Variants in HSPBAP1 observed in about 807,000 individuals in gnomAD.
HSPBAP1 encodes HSPB1-associated protein 1.
In HSPBAP1, 27 loss-of-function variants were observed where a neutral mutation model predicts 45.2. The observed-to-expected ratio is 0.60, with a 90% CI of 0.44 to 0.82. The LOEUF (loss-of-function observed/expected upper bound fraction) is 0.82. Ranked by LOEUF, HSPBAP1 falls within the 40% of genes least tolerant of loss-of-function variation. HSPBAP1 has a pLI of 0.00. For synonymous variants in HSPBAP1, 204 were observed against 202.7 expected (o/e 1.01, Z -0.06); for missense variants, 510 against 590.9 (o/e 0.86, Z 1.42).
chr3:122,770,682 C>T (rs1290523672), intron 2 of HSPBAP1, among the ~76,000 whole-genome samples: 1 of 152,074 alleles, frequency 6.6e-6, no homozygotes, highest in African/African-American at 2.4e-5. Flanking sequence ...GCCTGGGTGA[C>T]ACAGTGAGAT....
intron 1 of HSPBAP1, among the ~76,000 whole-genome samples, chr3:122,779,034 C>CTTT (rs201429620): frequency 2.0e-4 from 30 of 147,842 alleles, no homozygotes; most frequent in African/African-American, 4.5e-4. Flanking sequence ...CATTTTCTTT[C>CTTT]TTTTTCTTTT....
At chr3:122,758,552 G>T (rs1469147024) in intron 4 of HSPBAP1, among the ~76,000 whole-genome samples, 3 of 152,126 alleles carry the variant, frequency 2.0e-5, no homozygotes, top group Non-Finnish European at 4.4e-5. Flanking sequence ...TATTTATTTA[G>T]ATTTGAAGAA....
chr3:122,788,563 C>T (rs1413745727), intron 1 of HSPBAP1, among the ~76,000 whole-genome samples: 3 of 152,122 alleles, frequency 2.0e-5, no homozygotes, highest in Admixed American at 2.0e-4. Context: ...GGTCTGTTGA[C>T]GAATGGATAA....
chr3:122,777,777 T>C lies in HSPBAP1; in HGVS notation c.194A>G (p.Gln65Arg), dbSNP rs1423507849. Residue 65 changes from glutamine (Q) to arginine (R), a missense_variant, in exon 2 of 8, where the codon CAG (glutamine) becomes CGG (arginine). Gln to Arg is a conservative substitution (Grantham distance 43). Transcript: ENST00000306103. ...TCGTATCTGCTTGCCATGAAGGACC[T>C]GCGAAAGGTATTTAGCATTCCAGTG... ...ARHWNAKYLS[Q>R]VLHGKQIRFR... is the part of the protein sequence containing the mutation. 1 of 1,613,994 alleles carries C rather than the reference T, an allele frequency of 6.2e-7. No individual in the cohort carries two copies. Among genetic ancestry groups the C allele is most frequent in the South Asian group, 1.1e-5 (1 of 91,062 alleles).
intron 2 of HSPBAP1, among the ~76,000 whole-genome samples, chr3:122,774,717 T>C (rs1197425885): frequency 2.6e-5 from 4 of 152,120 alleles, no homozygotes; most frequent in Admixed American, 2.0e-4. Flanking sequence ...GCGAGCAGGG[T>C]AACGCCCACT....
chr3:122,748,656 C>T (rs1934015943), intron 6 of HSPBAP1, among the ~76,000 whole-genome samples: 1 of 152,176 alleles, frequency 6.6e-6, no homozygotes, highest in African/African-American at 2.4e-5. Flanking sequence ...CAAAATGGCA[C>T]AATCACAATG....
At chr3:122,775,956 T>C (rs1197094463) in intron 2 of HSPBAP1, among the ~76,000 whole-genome samples, 1 of 152,248 alleles carries the variant, frequency 6.6e-6, no homozygotes, top group Admixed American at 6.5e-5. Flanking sequence ...AGTACTGATA[T>C]GTATTACAAC....
chr3:122,759,867 TACTA>T (rs1487464347), intron 3 of HSPBAP1, among the ~76,000 whole-genome samples: 1 of 152,204 alleles, frequency 6.6e-6, no homozygotes, highest in South Asian at 2.1e-4. Context: ...ATACGCAACT[TACTA>T]ACTTTGTGTA....
intron 4 of HSPBAP1, chr3:122,758,764 G>T (rs968019717): frequency 2.2e-6 from 1 of 454,860 alleles, no homozygotes; most frequent in Non-Finnish European, 4.4e-6. Flanking sequence ...GGGCATACTG[G>T]CACACACCTG....
intron 4 of HSPBAP1, among the ~76,000 whole-genome samples, chr3:122,756,663 A>G (rs574886000): frequency 2.3e-4 from 35 of 150,728 alleles, no homozygotes; most frequent in African/African-American, 8.5e-4. Context: ...GTGCCACTGC[A>G]CTCCAGCCTG....
intron 6 of HSPBAP1, among the ~76,000 whole-genome samples, chr3:122,750,354 A>G (rs1366431497): frequency 3.9e-5 from 6 of 152,198 alleles, no homozygotes; most frequent in African/African-American, 1.4e-4. Flanking sequence ...AAATTCTATC[A>G]TGTTAAACTT....
chr3:122,740,438 T>C lies in HSPBAP1; in HGVS notation c.1374A>G (p.Thr458=). The C allele has an allele frequency of 6.2e-7, 1 of 1,609,346 alleles. No homozygotes were observed. The highest frequency in any genetic ancestry group is 1.4e-5 in the African/African-American group (1 of 73,210). The change falls in exon 8 of 8, where the codon ACA becomes ACG. Residue 458 remains threonine (T), a synonymous_variant. Coordinates refer to ENST00000306103, the MANE Select transcript of HSPBAP1 (RefSeq NM_024610.6). Reference sequence around the variant, plus strand: ...CCAGCAAGTCATCCGTAGAAATGAATGTTTGAGGAGTCGTAGTAGTATTTG... The same window carrying C: ...CCAGCAAGTCATCCGTAGAAATGAACGTTTGAGGAGTCGTAGTAGTATTTG... ...IASNTTTTPQ[T]FISTDDLLDC...
intron 1 of HSPBAP1, among the ~76,000 whole-genome samples, chr3:122,780,804 GGTT>G (rs1935428198): frequency 1.4e-5 from 2 of 146,166 alleles, no homozygotes; most frequent in African/African-American, 4.9e-5. Context: ...CAGACGGGGC[GGTT>G]GCCAGGCAGA....
At chr3:122,781,013 C>T (rs1183586392) in intron 1 of HSPBAP1, among the ~76,000 whole-genome samples, 2 of 148,734 alleles carry the variant, frequency 1.3e-5, no homozygotes, top group Non-Finnish European at 3.0e-5. Flanking sequence ...CGGGAAGAGG[C>T]GCTCCTCACT....
At chr3:122,755,163 C>G in intron 5 of HSPBAP1, 97 bp downstream of exon 5, 1 of 1,236,874 alleles carries the variant, frequency 8.1e-7, no homozygotes, top group Middle Eastern at 2.4e-4. Flanking sequence ...TTCTCATTTG[C>G]ACTGCGCAGG....
intron 6 of HSPBAP1, among the ~76,000 whole-genome samples, chr3:122,750,794 C>T (rs560201247): frequency 1.4e-4 from 22 of 152,266 alleles, no homozygotes; most frequent in South Asian, 8.3e-4. Flanking sequence ...GTCTAATTAA[C>T]GGGGACATAT....
chr3:122,759,056 A>C lies in HSPBAP1; in HGVS notation c.569+168T>G, dbSNP rs895313688. On this transcript the variant is annotated intron_variant, in intron 4 of 7. Transcript: ENST00000306103. ...AACTGTCCTCATTTCACAGAGGAGA[A>C]ACCAAAACCAGAGGTTAAGAGGTCT... 4.6e-5 allele frequency among the ~76,000 whole-genome samples: 7 copies of C among 152,162 alleles called. No homozygotes were observed. The South Asian group carries it at 1.5e-3, about 32-fold the overall frequency.
chr3:122,774,248 T>G (rs553439614), intron 2 of HSPBAP1, among the ~76,000 whole-genome samples: 1 of 152,208 alleles, frequency 6.6e-6, no homozygotes, highest in South Asian at 2.1e-4. Flanking sequence ...TCTGAGGTAA[T>G]TGAATAGTCA....
At chr3:122,785,429 C>A (rs1420871591) in intron 1 of HSPBAP1, among the ~76,000 whole-genome samples, 1 of 152,188 alleles carries the variant, frequency 6.6e-6, no homozygotes, top group Non-Finnish European at 1.5e-5. Context: ...AGGTTCTTCA[C>A]CCCCAGCCAA....
Sources: gnomAD v4.1 joint callset for allele counts (sites outside exome capture counted in the v4.1 genomes callset) on GRCh38, gnomAD v4.1.1 for gene constraint, MANE v1.5 for transcripts, NCBI Gene and HGNC (gene_info 2026-07-23, HGNC 2026-07-21) for gene names.